GABRR3: variants seen among roughly 807,000 people sequenced by gnomAD.
GABRR3 encodes the protein gamma-aminobutyric acid receptor subunit rho-3.
A neutral mutation model predicts 43.2 loss-of-function variants in GABRR3; 29 were observed. That is an observed-to-expected ratio of 0.67 (90% CI 0.50 to 0.92). GABRR3 has a LOEUF of 0.92. Among genes scored for constraint, GABRR3 ranks in the 40% least tolerant of loss-of-function variants. GABRR3 has a pLI of 0.00. For synonymous variants in GABRR3, 206 were observed against 195.9 expected (o/e 1.05, Z -0.43); for missense variants, 576 against 572.3 (o/e 1.01, Z -0.07).
At chr3:98,017,131 G>C (rs1299715411) in intron 4 of GABRR3, among the ~76,000 whole-genome samples, 1 of 152,080 alleles carries the variant, frequency 6.6e-6, no homozygotes, top group Non-Finnish European at 1.5e-5. Context: ...TAGATTTCTA[G>C]AAAAATATAA....
chr3:98,012,290 G>T, intron 5 of GABRR3, 54 bp downstream of exon 5: 1 of 1,271,762 alleles, frequency 7.9e-7, no homozygotes, highest in South Asian at 1.3e-5. Context: ...CATCAGCTTT[G>T]GTGCAGATGG....
chr3:98,026,135 G>T (rs935548323), intron 2 of GABRR3, among the ~76,000 whole-genome samples: 1 of 152,126 alleles, frequency 6.6e-6, no homozygotes, highest in Non-Finnish European at 1.5e-5. Context: ...CGAAGACAGC[G>T]AGAAAACGAA....
chr3:98,035,301 C>A, exon 1 of GABRR3: 1 of 301,266 alleles, frequency 3.3e-6, no homozygotes, highest in Non-Finnish European at 6.3e-6. Flanking sequence ...AATCCATACT[C>A]AGTAAACCCT....
intron 4 of GABRR3, among the ~76,000 whole-genome samples, chr3:98,014,350 TA>T (rs2107240951): frequency 6.6e-6 from 1 of 152,132 alleles, no homozygotes; most frequent in East Asian, 1.9e-4. Context: ...CTTGGGGAAG[TA>T]TCATTCAGAA....
intron 3 of GABRR3, among the ~76,000 whole-genome samples, chr3:98,022,131 T>C (rs1706956579): frequency 6.6e-6 from 1 of 152,206 alleles, no homozygotes; most frequent in African/African-American, 2.4e-5. Context: ...AGCCAGTATC[T>C]GCATACTGAA....
chr3:98,022,309 T>C (rs1706958228), intron 3 of GABRR3, among the ~76,000 whole-genome samples: 2 of 152,250 alleles, frequency 1.3e-5, no homozygotes, highest in Admixed American at 1.3e-4. Flanking sequence ...ATCCTCCTGT[T>C]TCCACATAAT....
intron 8 of GABRR3, among the ~76,000 whole-genome samples, chr3:97,996,923 G>A (rs1472433246): frequency 6.6e-6 from 1 of 152,096 alleles, no homozygotes; most frequent in Non-Finnish European, 1.5e-5. Flanking sequence ...TTTCCAGTTA[G>A]CAACGAAAAA....
At chr3:98,020,697 C>A (rs549464649) in intron 3 of GABRR3, among the ~76,000 whole-genome samples, 1 of 151,882 alleles carries the variant, frequency 6.6e-6, no homozygotes, top group Non-Finnish European at 1.5e-5. Context: ...GATCTGAGAT[C>A]GGGGTTAAAA....
At chr3:97,996,233 G>C (rs1471425533) in intron 8 of GABRR3, among the ~76,000 whole-genome samples, 1 of 152,074 alleles carries the variant, frequency 6.6e-6, no homozygotes, top group Non-Finnish European at 1.5e-5. Flanking sequence ...ACCTTCAAGT[G>C]AGTAAAAATA....
rs1229940142 is a variant in GABRR3 at position 98,027,091 on chromosome 3, C to A, written c.126-1412G>T. ...ACATACAACTAGTTTTTCCAAGGAG[C>A]TAGAATTAACTAGAAAAGTTTTTTC... On this transcript the variant is annotated intron_variant, in intron 2 of 9. Coordinates refer to ENST00000621172, the Ensembl canonical transcript of GABRR3. Among the ~76,000 whole-genome samples, 3 of 151,936 alleles carry A rather than the reference C, an allele frequency of 2.0e-5. No homozygotes were observed. The East Asian group carries it at 5.8e-4, about 29-fold the overall frequency.
intron 8 of GABRR3, chr3:97,997,699 G>A (rs1372747614): frequency 6.6e-6 from 1 of 152,162 alleles, no homozygotes; most frequent in Admixed American, 6.6e-5. Flanking sequence ...CTTTATAACT[G>A]TGGTCATCTG....
At chr3:98,001,798 GC>G in intron 7 of GABRR3, 31 bp from the exon 8 acceptor site, 1 of 1,611,540 alleles carries the variant, frequency 6.2e-7, no homozygotes. Context: ...TTTCATTAGA[GC>G]AAGCTTCCCC....
chr3:97,993,665 T>A lies in GABRR3; in HGVS notation c.908-617A>T, dbSNP rs138681473. ...GTGCTAGTAGGGGTTCAGTTCATTG[T>A]AAACACTTACTTAGCAACAACTAAA... On this transcript the variant is annotated intron_variant, in intron 8 of 9. Coordinates refer to ENST00000621172, the Ensembl canonical transcript of GABRR3. Among the ~76,000 whole-genome samples the A allele has an allele frequency of 4.8e-3, 729 of 152,290 alleles. 6 individuals are homozygous for A. Among genetic ancestry groups the A allele is most frequent in the African/African-American group, 0.016 (666 of 41,556 alleles).
exon 3 of GABRR3, chr3:98,025,637 C>A (rs370488601): frequency 6.2e-7 from 1 of 1,612,604 alleles, no homozygotes; most frequent in Admixed American, 1.7e-5. Context: ...TCTGAGGCCG[C>A]GCTTTGGTAC....
intron 3 of GABRR3, among the ~76,000 whole-genome samples, chr3:98,019,032 T>C (rs559586928): frequency 6.6e-6 from 1 of 150,896 alleles, no homozygotes; most frequent in East Asian, 2.0e-4. Flanking sequence ...ATTGCTTGAA[T>C]GCAGGAGGCA....
chr3:97,997,220 G>A (rs999145783), intron 8 of GABRR3, among the ~76,000 whole-genome samples: 2 of 152,134 alleles, frequency 1.3e-5, no homozygotes, highest in East Asian at 1.9e-4. Context: ...GAAGGCTTTC[G>A]GCCATGTAGA....
In GABRR3 at chr3:98,031,054, A is replaced by T. The variant is rs76780814; in HGVS notation, c.125+3809T>A. Among the ~76,000 whole-genome samples, 1,293 of 152,284 alleles carry T rather than the reference A, an allele frequency of 8.5e-3. 21 individuals are homozygous for T. Among genetic ancestry groups the T allele is most frequent in the African/African-American group, 0.029 (1,190 of 41,554 alleles). On this transcript the variant is annotated intron_variant, in intron 2 of 9. Coordinates refer to ENST00000621172, the Ensembl canonical transcript of GABRR3. ...TCTTAGAGAAAACGTGGTACATCAG[A>T]TGTAGTGAATCTTATGGCTCTGATT...
intron 4 of GABRR3, among the ~76,000 whole-genome samples, chr3:98,014,764 A>T (rs1706853073): frequency 1.3e-5 from 2 of 152,226 alleles, no homozygotes; most frequent in African/African-American, 4.8e-5. Flanking sequence ...ATAAATAAAA[A>T]TATGAATTAA....
intron 4 of GABRR3, among the ~76,000 whole-genome samples, chr3:98,015,919 TA>T (rs1706866850): frequency 6.6e-6 from 1 of 152,120 alleles, no homozygotes; most frequent in South Asian, 2.1e-4. Context: ...GTGTAATTTA[TA>T]AAGAAAAGAG....
Sources: gnomAD v4.1 joint callset for allele counts (sites outside exome capture counted in the v4.1 genomes callset) on GRCh38, gnomAD v4.1.1 for gene constraint, MANE v1.5 for transcripts, NCBI Gene and HGNC (gene_info 2026-07-23, HGNC 2026-07-21) for gene names.